Variants in CATSPER4 observed in about 807,000 individuals in gnomAD.
CATSPER4 encodes the protein cation channel sperm associated 4, also known as cation channel sperm-associated protein 4.
Under a neutral mutation model 54.4 loss-of-function variants are expected in CATSPER4, and 46 were observed. The ratio of observed to expected loss-of-function variants is 0.84; its 90% confidence interval spans 0.67 to 1.08. The LOEUF (loss-of-function observed/expected upper bound fraction) is 1.08, where lower values mean the gene tolerates loss of function less well. CATSPER4 is among the 50% of genes least tolerant of loss of function. CATSPER4 has a pLI of 0.00. For missense variants in CATSPER4, 574 were observed against 612.8 expected (o/e 0.94, Z 0.67); for synonymous variants, 230 against 231.9 (o/e 0.99, Z 0.08).
chr1:26,191,851 A>C (rs1464383255), intron 2 of CATSPER4, among the ~76,000 whole-genome samples: 1 of 152,168 alleles, frequency 6.6e-6, no homozygotes, highest in East Asian at 1.9e-4. Context: ...ACAAGTGCTC[A>C]AGTAGCACCC....
At chr1:26,191,786 C>A (rs1247979164) in intron 2 of CATSPER4, among the ~76,000 whole-genome samples, 1 of 152,118 alleles carries the variant, frequency 6.6e-6, no homozygotes, top group Admixed American at 6.5e-5. Context: ...CTGCCAGGGT[C>A]CCAGGGATAA....
rs2088998599 is a variant in CATSPER4 at position 26,200,817 on chromosome 1, C to T, written c.988-13C>T. On this transcript the variant is annotated splice_polypyrimidine_tract_variant and intron_variant, in intron 7 of 9. Transcript: ENST00000456354. ...TGAGCTGTCCCGACCCCTCTCTATC[C>T]CCCGCTTCCCAGACAGGCGCAGAGG... is the stretch of plus-strand genomic sequence containing the variant. The T allele has an allele frequency of 6.2e-7, 1 of 1,611,414 alleles. No homozygotes were observed. Among genetic ancestry groups the T allele is most frequent in the African/African-American group, 1.3e-5 (1 of 74,824 alleles).
At chr1:26,200,524 G>A (rs2088995310) in intron 7 of CATSPER4, among the ~76,000 whole-genome samples, 1 of 152,116 alleles carries the variant, frequency 6.6e-6, no homozygotes, top group Non-Finnish European at 1.5e-5. Context: ...TGGAGTGCTG[G>A]AGGCCTGGGC....
rs899462368 is a variant in CATSPER4 at position 26,190,819 on chromosome 1, C to T, written c.192C>T (p.Arg64=). Residue 64 remains arginine (R), a synonymous_variant, in exon 1 of 10, where the codon CGC becomes CGT. Transcript: ENST00000456354. ...GRPEEQVLIN[R]QEITNKADAW... ...CAGAGGAGCAAGTGCTCATCAACCG[C>T]CAGGAAATCACGAACAAAGCGGTAA... 1 of 1,611,644 alleles carries T rather than the reference C, an allele frequency of 6.2e-7. No individual in the cohort carries two copies. The highest frequency in any genetic ancestry group is 1.3e-5 in the African/African-American group (1 of 74,960).
chr1:26,200,241 T>A lies in CATSPER4; in HGVS notation c.987+183T>A, dbSNP rs75464945. On this transcript the variant is annotated intron_variant, in intron 7 of 9. Transcript: ENST00000456354. ...CACCAACTGGGGCTTCTGAGGGGTG[T>A]GGATTTTCTAGATGTTAGATTTCTA... is the stretch of plus-strand genomic sequence containing the variant. Among the ~76,000 whole-genome samples the A allele has an allele frequency of 0.018, 2,663 of 152,096 alleles. 53 individuals are homozygous for A. Among genetic ancestry groups the A allele is most frequent in the Non-Finnish European group, 0.025 (1,685 of 67,970 alleles).
chr1:26,201,449 C>T lies in CATSPER4; in HGVS notation c.1295C>T (p.Thr432Met), dbSNP rs765697791. The T allele has an allele frequency of 1.4e-5, 23 of 1,613,642 alleles. 1 individual carries two copies. Among genetic ancestry groups the T allele is most frequent in the Admixed American group, 5.0e-5 (3 of 60,010 alleles). ...TCGACGAGCGGGTCGTTGGAGACTA[C>T]GTCATCCAAGGACATCCGCCAGATG... The part of the protein sequence containing the change: ...RSSTSGSLET[T>M]SSKDIRQMSQ... Residue 432 changes from threonine (T) to methionine (M), a missense_variant, in exon 9 of 10, where the codon ACG becomes ATG. By Grantham distance (81) the Thr-to-Met change is moderately conservative (BLOSUM62 -1). Transcript: ENST00000456354.
Position 26,201,501 on chromosome 1 carries a change from G to T in CATSPER4, c.1347G>T (p.Ala449=), listed in dbSNP as rs1332126780. ...QMSQQQDLLS[A]LVSMEKVHDS... ...CTCAACAGCAAGACTTGCTCAGTGC[G>T]CTCGTTAGCATGGAAAAGGTGTGCC... Residue 449 remains alanine (A), a synonymous_variant, in exon 9 of 10, where the codon GCG becomes GCT. Transcript: ENST00000456354. 6.2e-7 allele frequency: 1 copy of T among 1,613,972 alleles called. No homozygotes were observed. The highest frequency in any genetic ancestry group is 8.5e-7 in the Non-Finnish European group (1 of 1,179,972).
chr1:26,200,026 C>A lies in CATSPER4; in HGVS notation c.955C>A (p.Gln319Lys). Reference protein sequence around the residue: ...NLEQMMKAGEQGQQQRITFSE... With the variant: ...NLEQMMKAGEKGQQQRITFSE... ...GGAGCAAATGATGAAGGCAGGAGAG[C>A]AGGGACAACAGCAACGAATAACCTT... The change falls in exon 7 of 10, where the codon CAG becomes AAG. Residue 319 changes from glutamine (Q) to lysine (K), a missense_variant. Coordinates refer to ENST00000456354, the MANE Select transcript of CATSPER4 (RefSeq NM_198137.2). The A allele has an allele frequency of 6.2e-7, 1 of 1,613,776 alleles. No individual in the cohort carries two copies. Among genetic ancestry groups the A allele is most frequent in the Non-Finnish European group, 8.5e-7 (1 of 1,179,848 alleles).
At position 26,202,755 on chromosome 1, in the gene CATSPER4, G is replaced by A. The variant is rs531617024; in HGVS notation, c.*213G>A. 422 of 609,908 alleles carry A rather than the reference G, an allele frequency of 6.9e-4. No individual in the cohort carries two copies. Among genetic ancestry groups the A allele is most frequent in the Non-Finnish European group, 1.1e-3 (375 of 339,808 alleles). 37.8% of individuals were successfully genotyped at this position (609,908 alleles called of 1,614,324 possible). A position where few individuals can be genotyped will look rare whatever the true frequency, so the allele number is the denominator to read the frequency against. Reference sequence around the variant, plus strand: ...GCAAGGAGAGAGGAGGATGCTGGATGATGAGAGTGGGAACCCTAGCAGCAA... The same window carrying A: ...GCAAGGAGAGAGGAGGATGCTGGATAATGAGAGTGGGAACCCTAGCAGCAA... On this transcript the variant is annotated 3_prime_UTR_variant, in exon 10 of 10. Coordinates refer to ENST00000456354, the MANE Select transcript of CATSPER4 (RefSeq NM_198137.2).
chr1:26,194,690 G>A (rs2088910449), intron 3 of CATSPER4, among the ~76,000 whole-genome samples: 1 of 152,234 alleles, frequency 6.6e-6, no homozygotes, highest in South Asian at 2.1e-4. Context: ...AGGCAGACTT[G>A]TATCTCCTTG....
At chr1:26,200,643 G>A (rs1399609650) in intron 7 of CATSPER4, among the ~76,000 whole-genome samples, 187 bp from the exon 8 acceptor site, 1 of 152,076 alleles carries the variant, frequency 6.6e-6, no homozygotes, top group Non-Finnish European at 1.5e-5. Context: ...AGAGGTGGGG[G>A]GAGGTCATGT....
chr1:26,202,517 T>C lies in CATSPER4; in HGVS notation c.1394T>C (p.Leu465Pro). 6.2e-7 allele frequency: 1 copy of C among 1,611,606 alleles called. No individual in the cohort carries two copies. The change falls in exon 10 of 10, where the codon CTT becomes CCT. Residue 465 changes from leucine (L) to proline (P), a missense_variant. Physicochemically the swap from Leu to Pro is moderately conservative, Grantham distance 98. Transcript: ENST00000456354. ...KVHDSSSQIL[L>P]KKHKSSH ...CATGACTCTAGCTCACAAATACTCC[T>C]TAAAAAACACAAGAGCAGCCACTGA...
intron 2 of CATSPER4, among the ~76,000 whole-genome samples, chr1:26,193,224 C>T (rs572301186): frequency 2.0e-5 from 3 of 152,166 alleles, no homozygotes; most frequent in Non-Finnish European, 2.9e-5. Flanking sequence ...ACCCCAGTCA[C>T]CCATCTACCA....
intron 9 of CATSPER4, 26 bp downstream of exon 9, chr1:26,201,545 G>T: frequency 6.2e-7 from 1 of 1,613,004 alleles, no homozygotes; most frequent in South Asian, 1.1e-5. Context: ...CCTACCCAAT[G>T]GGTACTCGCC....
intron 9 of CATSPER4, among the ~76,000 whole-genome samples, chr1:26,202,059 C>G (rs1279309701): frequency 6.6e-6 from 1 of 152,148 alleles, no homozygotes. Flanking sequence ...CTTTCCTTCT[C>G]GGAAAGGCTC....
chr1:26,198,263 T>C, intron 5 of CATSPER4, 23 bp from the exon 6 acceptor site: 2 of 1,614,104 alleles, frequency 1.2e-6, no homozygotes, highest in Non-Finnish European at 1.7e-6. Flanking sequence ...GAAGTCGGGG[T>C]GGGGCTCTTT....
chr1:26,199,752 G>A (rs1436788705), intron 6 of CATSPER4, 132 bp from the exon 7 acceptor site: 67 of 928,688 alleles, frequency 7.2e-5, no homozygotes, highest in Non-Finnish European at 1.1e-4. Flanking sequence ...AGTAGGGAAT[G>A]GGATCTGCAC....
In CATSPER4 at chr1:26,198,096, C is replaced by A; in HGVS notation, c.678+19C>A. The A allele has an allele frequency of 6.2e-7, 1 of 1,614,174 alleles. No homozygotes were observed. The highest frequency in any genetic ancestry group is 1.1e-5 in the South Asian group (1 of 91,074). On this transcript the variant is annotated intron_variant, in intron 5 of 9. Transcript: ENST00000456354. ...CATGCTGGTCAGTGCCTGCCCCCGC[C>A]CCCAGCTGTTTCCCTTCCCTGAACA...
intron 9 of CATSPER4, among the ~76,000 whole-genome samples, chr1:26,202,031 A>G (rs560659362): frequency 3.1e-4 from 47 of 152,114 alleles, no homozygotes; most frequent in South Asian, 1.9e-3. Context: ...GTCACTGCCT[A>G]TCTGGTTAGG....
Sources: allele counts gnomAD v4.1 joint callset (sites outside exome capture counted in the v4.1 genomes callset), GRCh38; gene constraint gnomAD v4.1.1; transcripts MANE v1.5; gene names NCBI Gene and HGNC (gene_info 2026-07-23, HGNC 2026-07-21).